ZFHX3: variants seen among roughly 807,000 people sequenced by gnomAD.
The protein encoded by ZFHX3 is zinc finger homeobox protein 3.
ZFHX3 carries 42 observed loss-of-function variants against 279.1 expected under a neutral mutation model. The observed-to-expected ratio is 0.15, with a 90% CI of 0.12 to 0.19. The LOEUF is 0.19. ZFHX3 is among the 10% of genes least tolerant of loss of function. ZFHX3 has a pLI of 1.00. For synonymous variants in ZFHX3, 2,293 were observed against 1,957.8 expected (o/e 1.17, Z -4.52); for missense variants, 4,981 against 4,754.0 (o/e 1.05, Z -1.40).
chr16:72,788,565 A>G lies in ZFHX3; in HGVS notation c.9711T>C (p.Ser3237=). Residue 3237 remains serine, a synonymous_variant, in exon 10 of 10, where the codon AGT becomes AGC. Coordinates refer to ENST00000268489, the MANE Select transcript of ZFHX3 (RefSeq NM_006885.4). Reference sequence around the variant, plus strand: ...CCTTTTCCTTCTCCTTTACTTTCTCACTGTCTTTGTCCTTGCGTTGCTGCT... The same window carrying G: ...CCTTTTCCTTCTCCTTTACTTTCTCGCTGTCTTTGTCCTTGCGTTGCTGCT... ...QQQQQRKDKD[S]EKVKEKEKAH... is the part of the protein sequence containing the mutation. 2 of 1,612,802 alleles carry G rather than the reference A, an allele frequency of 1.2e-6. No individual in the cohort carries two copies. The highest frequency in any genetic ancestry group is 1.7e-6 in the Non-Finnish European group (2 of 1,179,644).
At chr16:73,448,028 G>A (rs978813711) in intron 3 of ZFHX3, among the ~76,000 whole-genome samples, 5 of 152,120 alleles carry the variant, frequency 3.3e-5, no homozygotes, top group Non-Finnish European at 7.4e-5. Flanking sequence ...ACAAGCAGTC[G>A]CCAATAAGGA....
rs202087317 is a variant in ZFHX3, at chr16:72,787,423, G to T, written c.10853C>A (p.Pro3618Gln). The T allele has an allele frequency of 6.4e-5, 102 of 1,602,356 alleles. 1 individual carries two copies. The East Asian group carries it at 2.1e-3, about 33-fold the overall frequency. ...TGCCGAAGCCCGGGAGACCACTTGCGGCCAAGACTTCCTGGAGGCGTGGGG... is the reference window on the plus strand; with the variant it reads ...TGCCGAAGCCCGGGAGACCACTTGCTGCCAAGACTTCCTGGAGGCGTGGGG... The part of the protein sequence containing the change: ...ASPHASRKSW[P>Q]QVVSRASAAK... The change falls in exon 10 of 10, where the codon CCG (proline) becomes CAG (glutamine). Residue 3618 changes from proline (P) to glutamine (Q), a missense_variant. This residue lies in a region of ZFHX3 where 1,034 missense variants were observed against 786.0 expected (regional missense o/e 1.32). Coordinates refer to ENST00000268489, the MANE Select transcript of ZFHX3 (RefSeq NM_006885.4).
Position 73,537,306 on chromosome 16 carries a change from T to C in ZFHX3, c.-1546-81048A>G, listed in dbSNP as rs546392424. ...CGGCTCTAAATCTAAAGTCACTTCT[T>C]TCTTCTTCTTTTTTTTTTTTTTTTT... On this transcript the variant is annotated intron_variant, in intron 2 of 17. Transcript: ENST00000641206. 3.7e-5 allele frequency among the ~76,000 whole-genome samples: 5 copies of C among 134,850 alleles called. No homozygotes were observed. The South Asian group carries it at 1.2e-3, about 33-fold the overall frequency. 88.5% of individuals were successfully genotyped at this position (134,850 alleles called of 152,430 possible).
intron 4 of ZFHX3, among the ~76,000 whole-genome samples, chr16:73,299,073 A>G (rs1230237327): frequency 1.3e-5 from 2 of 152,208 alleles, no homozygotes; most frequent in African/African-American, 2.4e-5. Flanking sequence ...CTCTCTAAAT[A>G]TAAATTATGA....
At chr16:73,382,997 G>A (rs1393803963) in intron 3 of ZFHX3, among the ~76,000 whole-genome samples, 1 of 152,324 alleles carries the variant, frequency 6.6e-6, no homozygotes, top group South Asian at 2.1e-4. Flanking sequence ...CAGGACACAG[G>A]AGACAGGGGA....
chr16:73,588,685 G>C (rs1488875465), intron 2 of ZFHX3, among the ~76,000 whole-genome samples: 21 of 140,740 alleles, frequency 1.5e-4, no homozygotes, highest in Admixed American at 1.4e-3. Flanking sequence ...GTGAGACTCG[G>C]TCTCAAAAAC....
chr16:72,957,361 C>T (rs1961298042), intron 2 of ZFHX3, 66 bp downstream of exon 2: 8 of 1,521,662 alleles, frequency 5.3e-6, no homozygotes, highest in Non-Finnish European at 7.1e-6. Context: ...ACTATCTCAC[C>T]CTATTCACCA....
At chr16:73,174,038 C>T (rs773537949) in intron 5 of ZFHX3, among the ~76,000 whole-genome samples, 1 of 152,160 alleles carries the variant, frequency 6.6e-6, no homozygotes, top group Non-Finnish European at 1.5e-5. Flanking sequence ...CCAAAATTCC[C>T]AAGTGTGTGA....
At chr16:73,159,929 A>G (rs1967187841) in intron 5 of ZFHX3, among the ~76,000 whole-genome samples, 1 of 151,854 alleles carries the variant, frequency 6.6e-6, no homozygotes, top group African/African-American at 2.4e-5. Context: ...TGCCTGGCTA[A>G]TTTTTGTATT....
At chr16:73,158,629 T>C (rs1967154132) in intron 5 of ZFHX3, among the ~76,000 whole-genome samples, 1 of 152,154 alleles carries the variant, frequency 6.6e-6, no homozygotes, top group African/African-American at 2.4e-5. Context: ...TTGCCACTCA[T>C]AAGCAAAAAG....
At chr16:72,869,899 G>C (rs1025973333) in intron 4 of ZFHX3, among the ~76,000 whole-genome samples, 4 of 152,214 alleles carry the variant, frequency 2.6e-5, no homozygotes, top group Non-Finnish European at 5.9e-5. Context: ...CCGCAATCAA[G>C]AGACAAATCA....
At chr16:73,372,916 C>A (rs2016656862) in intron 3 of ZFHX3, among the ~76,000 whole-genome samples, 3 of 152,176 alleles carry the variant, frequency 2.0e-5, no homozygotes, top group Admixed American at 2.0e-4. Flanking sequence ...GACACCTTCA[C>A]ACACACCTCT....
intron 5 of ZFHX3, among the ~76,000 whole-genome samples, chr16:73,157,953 A>T (rs968211894): frequency 4.6e-5 from 7 of 152,122 alleles, no homozygotes; most frequent in Non-Finnish European, 1.0e-4. Flanking sequence ...TGAGTTGAGG[A>T]AAATGAACAG....
Position 73,598,423 on chromosome 16 carries a change from C to CTT in ZFHX3, c.-1547+81755_-1547+81756dup, listed in dbSNP as rs112833090. Among the ~76,000 whole-genome samples, 34 of 142,946 alleles carry CTT rather than the reference C, an allele frequency of 2.4e-4. 1 individual carries two copies. The highest frequency in any genetic ancestry group is 6.1e-4 in the African/African-American group (24 of 39,156). 93.8% of individuals were successfully genotyped at this position (142,946 alleles called of 152,430 possible). On this transcript the variant is annotated intron_variant, in intron 2 of 17. Transcript: ENST00000641206. ...GATACTAGAATACCATTCTTTTTAT[C>CTT]TTTTTTTTTTTTTTGACAGGATCTT...
intron 2 of ZFHX3, among the ~76,000 whole-genome samples, chr16:73,478,402 A>G (rs933235363): frequency 5.9e-5 from 9 of 152,140 alleles, no homozygotes; most frequent in South Asian, 2.1e-4. Context: ...CTTCCCTGCT[A>G]GTTTATTTTA....
intron 3 of ZFHX3, among the ~76,000 whole-genome samples, chr16:73,380,395 T>G (rs910377174): frequency 2.6e-5 from 4 of 152,218 alleles, no homozygotes; most frequent in Non-Finnish European, 4.4e-5. Flanking sequence ...TTGCTATGGT[T>G]ATGTTATCTG....
intron 3 of ZFHX3, among the ~76,000 whole-genome samples, chr16:73,429,784 C>T (rs534403363): frequency 1.1e-4 from 16 of 152,332 alleles, no homozygotes; most frequent in Admixed American, 3.3e-4. Flanking sequence ...GTTGTCCCTA[C>T]CAGGCTGCTC....
At chr16:73,242,017 G>A (rs2013139624) in intron 5 of ZFHX3, among the ~76,000 whole-genome samples, 1 of 152,128 alleles carries the variant, frequency 6.6e-6, no homozygotes, top group Admixed American at 6.5e-5. Flanking sequence ...AGATAACAAT[G>A]TCAAGTGCTG....
chr16:73,214,353 G>A (rs1302270311), intron 5 of ZFHX3, among the ~76,000 whole-genome samples: 1 of 152,130 alleles, frequency 6.6e-6, no homozygotes, highest in Non-Finnish European at 1.5e-5. Flanking sequence ...GGGGTGCCCT[G>A]TATTTCCAGC....
Sources: allele counts gnomAD v4.1 joint callset (sites outside exome capture counted in the v4.1 genomes callset), GRCh38; gene constraint gnomAD v4.1.1; regional missense constraint gnomAD v4.1.1; transcripts MANE v1.5; gene names NCBI Gene and HGNC (gene_info 2026-07-23, HGNC 2026-07-21).